The following OPCML variants were observed in gnomAD, a reference collection of about 807,000 sequenced individuals.
OPCML encodes opioid binding protein/cell adhesion molecule like.
A neutral mutation model predicts 37.8 loss-of-function variants in OPCML; 13 were observed. The ratio of observed to expected loss-of-function variants is 0.34; its 90% CI spans 0.22 to 0.55. The LOEUF (loss-of-function observed/expected upper bound fraction) is 0.55. Among genes scored for constraint, OPCML ranks in the 20% least tolerant of loss-of-function variants. The probability of loss-of-function intolerance (pLI) is 0.91; values close to 1 mark genes in which losing one functional copy is unlikely to be tolerated. For missense variants in OPCML, 341 were observed against 435.6 expected, an observed-to-expected ratio of 0.78 and a Z score of 1.93; for synonymous variants, 176 against 168.8, an observed-to-expected ratio of 1.04 and a Z score of -0.33.
At chr11:133,192,346 G>A (rs905320271) in intron 1 of OPCML, among the ~76,000 whole-genome samples, 9 of 152,146 alleles carry the variant, frequency 5.9e-5, no homozygotes, top group African/African-American at 2.2e-4. Flanking sequence ...CCCAGTGTAG[G>A]TCATAATATA....
At chr11:132,831,430 C>T (rs550829245) in intron 2 of OPCML, among the ~76,000 whole-genome samples, 13 of 152,220 alleles carry the variant, frequency 8.5e-5, no homozygotes, top group African/African-American at 2.4e-4. Flanking sequence ...CCATCACAGG[C>T]GATGAGAACT....
At chr11:132,973,893 GC>G (rs1946399293) in intron 1 of OPCML, among the ~76,000 whole-genome samples, 4 of 146,362 alleles carry the variant, frequency 2.7e-5, no homozygotes, top group African/African-American at 8.2e-5. Context: ...CCCTTACCAA[GC>G]ATAGAGAAAG....
chr11:132,972,666 C>T (rs565406828), intron 1 of OPCML, among the ~76,000 whole-genome samples: 3 of 152,142 alleles, frequency 2.0e-5, no homozygotes, highest in Non-Finnish European at 2.9e-5. Flanking sequence ...TTCCCTCTAC[C>T]CTCTTTCAGA....
chr11:133,347,936 T>C (rs1356253127), intron 1 of OPCML, among the ~76,000 whole-genome samples: 3 of 152,094 alleles, frequency 2.0e-5, no homozygotes, highest in Admixed American at 6.5e-5. Flanking sequence ...TACTGAACAA[T>C]AGTGTGGAGG....
chr11:133,164,068 T>C lies in OPCML; in HGVS notation c.62-221058A>G, dbSNP rs373916360. ...TGCCTATTTCACAAAGGGCAGGGCTTTGAAGCCACCCACGGCATGAGCTAA... is the reference window on the plus strand; with the variant it reads ...TGCCTATTTCACAAAGGGCAGGGCTCTGAAGCCACCCACGGCATGAGCTAA... On this transcript the variant is annotated intron_variant, in intron 1 of 7. Transcript: ENST00000524381. 5.6e-4 allele frequency among the ~76,000 whole-genome samples: 86 copies of C among 152,346 alleles called. No homozygotes were observed. In the South Asian group the frequency reaches 9.7e-3, roughly 17 times the overall value.
intron 1 of OPCML, among the ~76,000 whole-genome samples, chr11:133,098,701 C>T (rs1949041477): frequency 6.6e-6 from 1 of 152,110 alleles, no homozygotes; most frequent in Admixed American, 6.5e-5. Flanking sequence ...CTCCAGAAAA[C>T]CTACAGCTAG....
At chr11:132,796,239 AAAT>A in intron 2 of OPCML, among the ~76,000 whole-genome samples, 1 of 152,210 alleles carries the variant, frequency 6.6e-6, no homozygotes, top group Non-Finnish European at 1.5e-5. Flanking sequence ...ATTTTTGGCT[AAAT>A]AATATTTGAT....
At chr11:133,457,122 G>A (rs1024851007) in intron 1 of OPCML, among the ~76,000 whole-genome samples, 5 of 152,170 alleles carry the variant, frequency 3.3e-5, no homozygotes, top group Non-Finnish European at 7.3e-5. Flanking sequence ...GGAAAGTGAC[G>A]TGTCATGTAC....
intron 2 of OPCML, among the ~76,000 whole-genome samples, chr11:132,861,339 T>C (rs1395867843): frequency 6.6e-6 from 1 of 152,244 alleles, no homozygotes; most frequent in Non-Finnish European, 1.5e-5. Context: ...TATTTCTGAA[T>C]TTCAGTTTCC....
intron 1 of OPCML, among the ~76,000 whole-genome samples, chr11:133,130,866 G>A (rs1949592833): frequency 6.6e-6 from 1 of 151,964 alleles, no homozygotes; most frequent in Non-Finnish European, 1.5e-5. Flanking sequence ...AAATAGTGCT[G>A]GAATAATTCA....
intron 1 of OPCML, among the ~76,000 whole-genome samples, chr11:133,264,769 A>T (rs200852428): frequency 1.4e-4 from 4 of 27,748 alleles, no homozygotes; most frequent in South Asian, 5.9e-3. Flanking sequence ...GGTTTTTAAT[A>T]AAAAAAAAAA....
intron 1 of OPCML, among the ~76,000 whole-genome samples, chr11:133,061,627 A>C (rs1302467415): frequency 6.6e-6 from 1 of 152,172 alleles, no homozygotes; most frequent in Non-Finnish European, 1.5e-5. Flanking sequence ...CTAGTCTTAC[A>C]CTCATACATC....
intron 1 of OPCML, among the ~76,000 whole-genome samples, chr11:133,289,038 G>A (rs985933341): frequency 1.3e-5 from 2 of 152,124 alleles, no homozygotes; most frequent in African/African-American, 4.8e-5. Flanking sequence ...GAGGGCCCTG[G>A]GACATGGGTG....
chr11:133,162,382 T>C lies in OPCML; in HGVS notation c.62-219372A>G, dbSNP rs149917942. On this transcript the variant is annotated intron_variant, in intron 1 of 7. Transcript: ENST00000524381. ...CCAGAATTTTGCTGTGCGGTTTCAT[T>C]AACATGAAGATAAAATGGAACGTGG... Among the ~76,000 whole-genome samples the C allele has an allele frequency of 1.4e-3, 214 of 152,314 alleles. 1 individual carries two copies. Among genetic ancestry groups the C allele is most frequent in the African/African-American group, 4.9e-3 (205 of 41,566 alleles).
At chr11:132,838,334 A>C (rs1348120457) in intron 2 of OPCML, among the ~76,000 whole-genome samples, 1 of 152,240 alleles carries the variant, frequency 6.6e-6, no homozygotes, top group African/African-American at 2.4e-5. Flanking sequence ...GAAGAAAATG[A>C]AACTAATGGA....
intron 3 of OPCML, among the ~76,000 whole-genome samples, chr11:132,606,108 G>A (rs187373471): frequency 7.7e-4 from 117 of 152,140 alleles, no homozygotes; most frequent in African/African-American, 2.7e-3. Context: ...AAGGAATTTC[G>A]TCTTATATCT....
At chr11:133,210,327 A>G (rs916292850) in intron 1 of OPCML, among the ~76,000 whole-genome samples, 2 of 152,108 alleles carry the variant, frequency 1.3e-5, no homozygotes, top group African/African-American at 2.4e-5. Flanking sequence ...AATGGACATG[A>G]TAATAAAGAA....
At chr11:132,937,550 GAGTGTGTGTGTGT>G (rs1945421599) in intron 2 of OPCML, among the ~76,000 whole-genome samples, 1 of 149,310 alleles carries the variant, frequency 6.7e-6, no homozygotes, top group Non-Finnish European at 1.5e-5. Context: ...TGTGTGTGTG[GAGTGTGTGTGTGT>G]CGTGTGTGTG....
chr11:133,465,378 T>A (rs1430979002), intron 1 of OPCML, among the ~76,000 whole-genome samples: 1 of 152,194 alleles, frequency 6.6e-6, no homozygotes, highest in Non-Finnish European at 1.5e-5. Context: ...CCTTTTGTCA[T>A]GTAAGACAGT....
Sources: gnomAD v4.1 joint callset for allele counts (sites outside exome capture counted in the v4.1 genomes callset) on GRCh38, gnomAD v4.1.1 for gene constraint, MANE v1.5 for transcripts, NCBI Gene and HGNC (gene_info 2026-07-23, HGNC 2026-07-21) for gene names.